The following SIGLECL1 variants were observed in gnomAD, a reference collection of about 807,000 sequenced individuals.
SIGLECL1 encodes SIGLEC family like 1.
A neutral mutation model predicts 19.1 loss-of-function variants in SIGLECL1; 16 were observed. The observed-to-expected ratio is 0.84, with a 90% CI of 0.57 to 1.27. The LOEUF (loss-of-function observed/expected upper bound fraction) is 1.27, where lower values mean the gene tolerates loss of function less well. Among genes scored for constraint, SIGLECL1 ranks in the 50% most tolerant of loss-of-function variants. The probability of loss-of-function intolerance (pLI) is 0.00; values close to 1 mark genes in which losing one functional copy is unlikely to be tolerated. For synonymous variants in SIGLECL1, 89 were observed against 90.4 expected, an observed-to-expected ratio of 0.98 and a Z score of 0.09; for missense variants, 210 against 239.4, an observed-to-expected ratio of 0.88 and a Z score of 0.81.
chr19:51,248,002 A>G (rs1370727212), upstream of SIGLECL1, among the ~76,000 whole-genome samples: 2 of 152,198 alleles, frequency 1.3e-5, no homozygotes, highest in African/African-American at 4.8e-5. Context: ...AGAAGGAATT[A>G]CTTAGGCCCA....
At chr19:51,266,514 TA>T (rs34989367) in intron 4 of SIGLECL1, among the ~76,000 whole-genome samples, 41,285 of 137,072 alleles carry the variant, frequency 0.3, 6,102 homozygotes, top group African/African-American at 0.41. Context: ...TTCCAAAATC[TA>T]AAAAAAAAAA....
chr19:51,261,275 C>T (rs575865940), intron 1 of SIGLECL1, among the ~76,000 whole-genome samples: 4 of 152,076 alleles, frequency 2.6e-5, no homozygotes, highest in African/African-American at 9.6e-5. Context: ...TGTATGTTTT[C>T]ATTCTTTGGT....
rs1983855829 is a variant in SIGLECL1 at position 51,268,751 on chromosome 19, A to T, written c.*154A>T. On this transcript the variant is annotated 3_prime_UTR_variant, in exon 6 of 6. Transcript: ENST00000601727. ...CTCACAAAACCCTCTCAATTCCTAC[A>T]CATCCCTTAACACTCATTCTCCATT... 1.5e-6 allele frequency: 1 copy of T among 651,394 alleles called. No homozygotes were observed. 40.4% of individuals were successfully genotyped at this position (651,394 alleles called of 1,614,324 possible).
At chr19:51,266,945 G>A (rs1450542249) in intron 4 of SIGLECL1, among the ~76,000 whole-genome samples, 1 of 152,058 alleles carries the variant, frequency 6.6e-6, no homozygotes, top group Non-Finnish European at 1.5e-5. Flanking sequence ...CAGGAAGCTG[G>A]TGCAGGGGAC....
rs559415795 is a variant in SIGLECL1, at chr19:51,253,860, C to G, written c.-191+2315C>G. On this transcript the variant is annotated intron_variant, in intron 1 of 5. Coordinates refer to ENST00000601727, the MANE Select transcript of SIGLECL1 (RefSeq NM_001385465.1). The stretch of plus-strand genomic sequence containing the variant: ...TCATAGTACTTTTGTGGATCTCTGC[C>G]TTCCTTTTGGAAGTGTTGATAATGA... Among the ~76,000 whole-genome samples the G allele has an allele frequency of 7.6e-3, 1,157 of 152,248 alleles. 15 individuals carry two copies. Among genetic ancestry groups the G allele is most frequent in the African/African-American group, 0.027 (1,107 of 41,534 alleles).
Position 51,268,501 on chromosome 19 carries a change from T to C in SIGLECL1, c.568-70T>C. On this transcript the variant is annotated intron_variant, in intron 5 of 5. Coordinates refer to ENST00000601727, the MANE Select transcript of SIGLECL1 (RefSeq NM_001385465.1). Reference sequence around the variant, plus strand: ...GCACAAGGGGGTGTCTTTTTAAGATTTGGATACCTCACCTCTAGACCTGTT... The same window carrying C: ...GCACAAGGGGGTGTCTTTTTAAGATCTGGATACCTCACCTCTAGACCTGTT... 4 of 1,549,850 alleles carry C rather than the reference T, an allele frequency of 2.6e-6. No homozygotes were observed. In the South Asian group the frequency reaches 3.3e-5, roughly 13 times the overall value.
chr19:51,256,249 T>G (rs1179771075), intron 1 of SIGLECL1, among the ~76,000 whole-genome samples: 1 of 152,158 alleles, frequency 6.6e-6, no homozygotes, highest in African/African-American at 2.4e-5. Flanking sequence ...TCATTTCACT[T>G]AAAGCAGCAG....
chr19:51,266,486 AT>A lies in SIGLECL1; in HGVS notation c.410+606del, dbSNP rs571367688. ...TTGGCTCCTATCCCCAAGATATGTC[AT>A]TATGTATAAACAAATATTCCAAAAT... On this transcript the variant is annotated intron_variant, in intron 4 of 5. Transcript: ENST00000601727. Among the ~76,000 whole-genome samples, 297 of 151,752 alleles carry A rather than the reference AT, an allele frequency of 2.0e-3. 1 individual carries two copies. The highest frequency in any genetic ancestry group is 6.7e-3 in the African/African-American group (276 of 41,224).
chr19:51,258,758 C>T (rs1020416956), intron 1 of SIGLECL1, among the ~76,000 whole-genome samples: 1 of 152,036 alleles, frequency 6.6e-6, no homozygotes, highest in African/African-American at 2.4e-5. Context: ...TCTTTATAAA[C>T]AGTTATTAAG....
intron 1 of SIGLECL1, among the ~76,000 whole-genome samples, chr19:51,259,093 G>T (rs1983014886): frequency 6.6e-6 from 1 of 151,396 alleles, no homozygotes; most frequent in African/African-American, 2.4e-5. Context: ...ATAGTCAGGG[G>T]ATGGATAAGA....
intron 1 of SIGLECL1, among the ~76,000 whole-genome samples, chr19:51,254,433 C>T (rs947313977): frequency 1.3e-5 from 2 of 151,602 alleles, no homozygotes; most frequent in Admixed American, 6.6e-5. Context: ...TCTATCCATA[C>T]AATGGAATAT....
At chr19:51,248,593 G>C (rs575289298), upstream of SIGLECL1, among the ~76,000 whole-genome samples, 2 of 152,260 alleles carry the variant, frequency 1.3e-5, no homozygotes, top group East Asian at 3.9e-4. Context: ...AGAAGATACA[G>C]TCCCTGGCTC....
At chr19:51,256,149 A>G (rs1464344158) in intron 1 of SIGLECL1, 1 of 152,180 alleles carries the variant, frequency 6.6e-6, no homozygotes, top group Non-Finnish European at 1.5e-5. Flanking sequence ...TTGTCTAATC[A>G]TAAGAGAAAA....
chr19:51,264,409 G>T, intron 2 of SIGLECL1: 1 of 288,748 alleles, frequency 3.5e-6, no homozygotes, highest in Non-Finnish European at 6.6e-6. Context: ...GTTTCTGTGG[G>T]CACACTTTGC....
chr19:51,262,034 A>G (rs1191957884), intron 1 of SIGLECL1, among the ~76,000 whole-genome samples: 2 of 152,110 alleles, frequency 1.3e-5, no homozygotes, highest in Admixed American at 6.6e-5. Context: ...TATCCTTGCT[A>G]TGTTCTGGAT....
chr19:51,261,833 C>T (rs1470358927), intron 1 of SIGLECL1, among the ~76,000 whole-genome samples: 1 of 152,146 alleles, frequency 6.6e-6, no homozygotes, highest in Non-Finnish European at 1.5e-5. Flanking sequence ...GTTTCTCTGT[C>T]TTTATTTTCA....
Position 51,264,107 on chromosome 19 carries a change from A to G in SIGLECL1, c.22+13A>G, listed in dbSNP as rs764687374. ...CTGCTACAGCTGGGTAAGTAAGGTG[A>G]GAAGCAGCACTGGAGGTGTGTTTGG... On this transcript the variant is annotated intron_variant, in intron 2 of 5. Transcript: ENST00000601727. 2 of 1,613,960 alleles carry G rather than the reference A, an allele frequency of 1.2e-6. No homozygotes were observed. Among genetic ancestry groups the G allele is most frequent in the Non-Finnish European group, 1.7e-6 (2 of 1,179,932 alleles).
chr19:51,258,411 T>C (rs1382967844), intron 1 of SIGLECL1, among the ~76,000 whole-genome samples: 1 of 152,240 alleles, frequency 6.6e-6, no homozygotes, highest in African/African-American at 2.4e-5. Context: ...CGTATAGAAA[T>C]GCAGCTGTTC....
At chr19:51,266,107 G>A (rs1983650116) in intron 4 of SIGLECL1, among the ~76,000 whole-genome samples, 1 of 152,160 alleles carries the variant, frequency 6.6e-6, no homozygotes, top group African/African-American at 2.4e-5. Flanking sequence ...TTTTATAAAG[G>A]AGAAGACCAA....
Sources: gnomAD v4.1 joint callset for allele counts (sites outside exome capture counted in the v4.1 genomes callset) on GRCh38, gnomAD v4.1.1 for gene constraint, MANE v1.5 for transcripts, NCBI Gene and HGNC (gene_info 2026-07-23, HGNC 2026-07-21) for gene names.